The following KIAA1217 variants were observed in gnomAD, a reference collection of about 807,000 sequenced individuals.
KIAA1217 encodes the protein KIAA1217.
KIAA1217 carries 88 observed loss-of-function variants against 163.9 expected under a neutral mutation model. The ratio of observed to expected loss-of-function variants is 0.54; its 90% confidence interval spans 0.45 to 0.64. The LOEUF is 0.64. KIAA1217 is among the 30% of genes least tolerant of loss of function. The pLI is 0.00. For synonymous variants in KIAA1217, 903 were observed against 923.1 expected (o/e 0.98, Z 0.39); for missense variants, 2,372 against 2,475.0 (o/e 0.96, Z 0.88).
At chr10:23,900,953 C>A (rs1841930322) in intron 1 of KIAA1217, among the ~76,000 whole-genome samples, 1 of 151,992 alleles carries the variant, frequency 6.6e-6, no homozygotes, top group African/African-American at 2.4e-5. Flanking sequence ...TGTAAAAGAG[C>A]ATATAGTAGG....
At position 23,833,479 on chromosome 10, in the gene KIAA1217, T is replaced by TAAAAAAA. The variant is rs1278632576; in HGVS notation, c.-321+138256_-321+138262dup. 3.2e-3 allele frequency among the ~76,000 whole-genome samples: 396 copies of TAAAAAAA among 124,634 alleles called. 3 individuals carry two copies. The highest frequency in any genetic ancestry group is 0.011 in the African/African-American group (380 of 34,148). The allele number at this position is 124,634 out of a possible 152,430, so 81.8% of individuals were successfully genotyped here. A position where few individuals can be genotyped will look rare whatever the true frequency, so the allele number is the denominator to read the frequency against. On this transcript the variant is annotated intron_variant, in intron 1 of 18. Transcript: ENST00000376462. Reference sequence around the variant, plus strand: ...GGCTGGATGACAGAGTGAGACTGTCTAAAAAAAAAAAAAAAAACTAAGTAA... The same window carrying TAAAAAAA: ...GGCTGGATGACAGAGTGAGACTGTCTAAAAAAAAAAAAAAAAAAAAAAAACTAAGTAA...
intron 3 of KIAA1217, among the ~76,000 whole-genome samples, chr10:24,410,237 C>A (rs1456690878): frequency 6.6e-6 from 1 of 152,136 alleles, no homozygotes; most frequent in Non-Finnish European, 1.5e-5. Flanking sequence ...CTCAGGCAAT[C>A]CGCCCGCCTT....
At chr10:23,798,141 G>T (rs186483806) in intron 1 of KIAA1217, among the ~76,000 whole-genome samples, 2 of 152,122 alleles carry the variant, frequency 1.3e-5, no homozygotes, top group Non-Finnish European at 2.9e-5. Flanking sequence ...AAAATATTAG[G>T]CAGGAAGAGG....
intron 3 of KIAA1217, among the ~76,000 whole-genome samples, chr10:24,417,111 T>C (rs1218497675): frequency 6.6e-6 from 1 of 151,862 alleles, no homozygotes; most frequent in Admixed American, 6.6e-5. Context: ...GAGTCTTTTG[T>C]TTTTTTTAAG....
At chr10:24,003,865 G>A (rs913015752) in intron 1 of KIAA1217, among the ~76,000 whole-genome samples, 1 of 152,058 alleles carries the variant, frequency 6.6e-6, no homozygotes, top group Non-Finnish European at 1.5e-5. Flanking sequence ...TAAATAATTT[G>A]GAGTTTAACT....
chr10:24,418,946 G>C (rs1250574589), intron 3 of KIAA1217, among the ~76,000 whole-genome samples: 1 of 151,970 alleles, frequency 6.6e-6, no homozygotes, highest in African/African-American at 2.4e-5. Flanking sequence ...GGAGGCCGAG[G>C]CAGGCGGATT....
intron 4 of KIAA1217, among the ~76,000 whole-genome samples, chr10:24,438,026 C>T (rs528725600): frequency 2.7e-5 from 4 of 150,876 alleles, no homozygotes; most frequent in Non-Finnish European, 5.9e-5. Context: ...TCAACCAAAT[C>T]TCTTTGAATG....
At chr10:24,013,623 A>G (rs543075645) in intron 2 of KIAA1217, among the ~76,000 whole-genome samples, 7 of 152,298 alleles carry the variant, frequency 4.6e-5, no homozygotes, top group African/African-American at 1.7e-4. Context: ...TTATGTGCAG[A>G]CATAGTCTCC....
intron 1 of KIAA1217, among the ~76,000 whole-genome samples, chr10:23,758,647 C>CCCCT (rs935600587): frequency 1.3e-5 from 1 of 75,692 alleles, no homozygotes; most frequent in Non-Finnish European, 2.4e-5. Flanking sequence ...TCTCTCTCTC[C>CCCCT]CCCTCCCTCC....
intron 1 of KIAA1217, among the ~76,000 whole-genome samples, chr10:23,722,058 A>G (rs1363859103): frequency 2.0e-5 from 3 of 152,246 alleles, no homozygotes; most frequent in Non-Finnish European, 2.9e-5. Flanking sequence ...ATGAACCTCG[A>G]AAAACTTATG....
At chr10:24,273,415 A>G (rs1022145304) in intron 2 of KIAA1217, among the ~76,000 whole-genome samples, 3 of 151,824 alleles carry the variant, frequency 2.0e-5, no homozygotes, top group Admixed American at 2.0e-4. Flanking sequence ...CTTTCATTAC[A>G]TTATTATTTT....
chr10:24,359,722 A>G (rs2134197184), intron 2 of KIAA1217, among the ~76,000 whole-genome samples: 1 of 152,334 alleles, frequency 6.6e-6, no homozygotes, highest in East Asian at 1.9e-4. Context: ...AGAAATTCTT[A>G]GAATTAGAAG....
chr10:24,481,422 C>T (rs2064673023), intron 6 of KIAA1217: 1 of 152,100 alleles, frequency 6.6e-6, no homozygotes, highest in African/African-American at 2.4e-5. Context: ...CTGAGAGTGA[C>T]AATGTCTCCT....
chr10:23,915,382 A>C (rs1369415691), intron 1 of KIAA1217, among the ~76,000 whole-genome samples: 1 of 152,166 alleles, frequency 6.6e-6, no homozygotes, highest in South Asian at 2.1e-4. Flanking sequence ...TGGATGTTTC[A>C]TACAGGCTTT....
chr10:24,333,837 A>G (rs754538507), intron 2 of KIAA1217, among the ~76,000 whole-genome samples: 18 of 152,236 alleles, frequency 1.2e-4, no homozygotes, highest in Non-Finnish European at 1.9e-4. Flanking sequence ...CAAAACTTGA[A>G]TTCAGTGTGG....
rs1419110405 is a variant in KIAA1217, at chr10:23,790,544, C to CATATATACATATGTACATATGT, written c.-321+95326_-321+95347dup. ...ATATACATATATACATATACATGTG[C>CATATATACATATGTACATATGT]ATATATACATATGTACATATGTATA... On this transcript the variant is annotated intron_variant, in intron 1 of 18. Transcript: ENST00000376462. 2.4e-4 allele frequency among the ~76,000 whole-genome samples: 22 copies of CATATATACATATGTACATATGT among 93,530 alleles called. 2 individuals carry two copies. The highest frequency in any genetic ancestry group is 1.5e-3 in the South Asian group (5 of 3,352). The allele number at this position is 93,530 out of a possible 152,430, so 61.4% of individuals were successfully genotyped here.
chr10:24,388,843 A>ATCC (rs1268259895), intron 3 of KIAA1217, among the ~76,000 whole-genome samples: 2 of 141,620 alleles, frequency 1.4e-5, no homozygotes, highest in African/African-American at 5.8e-5. Context: ...ATGCAAATCA[A>ATCC]TCCACAATGA....
intron 2 of KIAA1217, among the ~76,000 whole-genome samples, chr10:24,276,901 C>T (rs1688688882): frequency 6.6e-6 from 1 of 151,160 alleles, no homozygotes; most frequent in Admixed American, 6.7e-5. Flanking sequence ...AGCCACCACA[C>T]CCAGCCAAGT....
At chr10:24,269,995 A>G (rs1048583894) in intron 2 of KIAA1217, among the ~76,000 whole-genome samples, 1 of 152,198 alleles carries the variant, frequency 6.6e-6, no homozygotes, top group Non-Finnish European at 1.5e-5. Context: ...CAACACAGGT[A>G]TGGAAGAATC....
Sources: allele counts gnomAD v4.1 joint callset (sites outside exome capture counted in the v4.1 genomes callset), GRCh38; gene constraint gnomAD v4.1.1; transcripts MANE v1.5; gene names NCBI Gene and HGNC (gene_info 2026-07-23, HGNC 2026-07-21).